HECTD4: variants seen among roughly 807,000 people sequenced by gnomAD.
HECTD4 encodes probable E3 ubiquitin-protein ligase HECTD4.
Under a neutral mutation model 471.5 loss-of-function variants are expected in HECTD4, and 114 were observed. That is an observed-to-expected ratio of 0.24 (90% confidence interval 0.21 to 0.28). The LOEUF is 0.28. Ranked by LOEUF, HECTD4 falls within the 10% of genes least tolerant of loss-of-function variation. HECTD4 has a pLI of 1.00. For synonymous variants in HECTD4, 2,012 were observed against 2,256.0 expected (o/e 0.89, Z 3.07); for missense variants, 3,866 against 5,651.5 (o/e 0.68, Z 10.13).
chr12:112,190,544 C>T (rs2137036673), intron 60 of HECTD4, among the ~76,000 whole-genome samples: 1 of 152,294 alleles, frequency 6.6e-6, no homozygotes, highest in Non-Finnish European at 1.5e-5. Context: ...ATCTTATTTT[C>T]CTGGTTAGTT....
At chr12:112,212,256 T>C (rs78120600) in intron 49 of HECTD4, among the ~76,000 whole-genome samples, 1 of 152,170 alleles carries the variant, frequency 6.6e-6, no homozygotes, top group African/African-American at 2.4e-5. Context: ...GCTAAAAAAA[T>C]GTCAAGGCAA....
chr12:112,204,102 G>A lies in HECTD4; in HGVS notation c.8270-330C>T, dbSNP rs56876245. ...CTGTGGCCCAGGCTGGAGTGCAGTG[G>A]TGTGATCTCGGCTCACTGCAACCTC... is the stretch of plus-strand genomic sequence containing the variant. On this transcript the variant is annotated intron_variant, in intron 53 of 75. Transcript: ENST00000682272. 7.2e-4 allele frequency among the ~76,000 whole-genome samples: 110 copies of A among 152,368 alleles called. 1 individual carries two copies. The East Asian group carries it at 0.019, about 26-fold the overall frequency.
At position 112,302,356 on chromosome 12, in the gene HECTD4, C is replaced by T. The variant is rs1301767373; in HGVS notation, c.1335+3708G>A. 10 of 757,360 alleles carry T rather than the reference C, an allele frequency of 1.3e-5. No homozygotes were observed. The East Asian group carries it at 2.5e-4, about 19-fold the overall frequency. The allele number at this position is 757,360 out of a possible 1,614,324, so 46.9% of individuals were successfully genotyped here. ...GCCTCTGCTTCTTCTCTTGCTTTGT[C>T]TCTGGTCTGTATTTGTGGGCCAGCT... On this transcript the variant is annotated intron_variant, in intron 7 of 75. Coordinates refer to ENST00000682272, the MANE Select transcript of HECTD4 (RefSeq NM_001388303.1).
chr12:112,163,349 C>A lies in HECTD4; in HGVS notation c.12898-85G>T. 3.8e-6 allele frequency: 5 copies of A among 1,308,314 alleles called. No homozygotes were observed. The highest frequency in any genetic ancestry group is 5.3e-6 in the Non-Finnish European group (5 of 948,784). 81.0% of individuals were successfully genotyped at this position (1,308,314 alleles called of 1,614,324 possible). A position where few individuals can be genotyped will look rare whatever the true frequency, so the allele number is the denominator to read the frequency against. ...CAGCCCTGGGGTCTGCAGGCCAGGCCCAATCCTGGGGCAGGGTGCAACGTG... is the reference window on the plus strand; with the variant it reads ...CAGCCCTGGGGTCTGCAGGCCAGGCACAATCCTGGGGCAGGGTGCAACGTG... On this transcript the variant is annotated intron_variant, in intron 74 of 75. Transcript: ENST00000682272. The surrounding 1 kb of genome is among the most constrained non-coding windows in gnomAD (Gnocchi z 8.2).
intron 44 of HECTD4, among the ~76,000 whole-genome samples, chr12:112,220,286 G>A (rs1053750589): frequency 6.6e-6 from 1 of 152,006 alleles, no homozygotes. Context: ...CGAAGTGTTG[G>A]AGAACACAAA....
At chr12:112,317,026 A>C (rs2035493286) in intron 2 of HECTD4, among the ~76,000 whole-genome samples, 1 of 152,238 alleles carries the variant, frequency 6.6e-6, no homozygotes, top group Admixed American at 6.5e-5. Context: ...ACAATTAATA[A>C]CTTAAACTGT....
At chr12:112,195,993 C>T (rs908791151) in intron 55 of HECTD4, among the ~76,000 whole-genome samples, 36 of 152,242 alleles carry the variant, frequency 2.4e-4, no homozygotes, top group African/African-American at 8.4e-4. Flanking sequence ...GAGAATCCCT[C>T]TCTACAAAAA....
At chr12:112,227,290 T>C (rs1023922600) in intron 43 of HECTD4, among the ~76,000 whole-genome samples, 4 of 151,946 alleles carry the variant, frequency 2.6e-5, no homozygotes, top group African/African-American at 9.7e-5. Context: ...CGAGACCCCA[T>C]CTCTACTAAA....
chr12:112,324,264 C>T (rs774847558), intron 1 of HECTD4, among the ~76,000 whole-genome samples: 26 of 150,622 alleles, frequency 1.7e-4, no homozygotes, highest in Non-Finnish European at 3.5e-4. Flanking sequence ...GGACTAGAGG[C>T]ATGTGCCACT....
chr12:112,265,045 G>C, intron 16 of HECTD4, 130 bp downstream of exon 16: 1 of 803,650 alleles, frequency 1.2e-6, no homozygotes, highest in Non-Finnish European at 1.8e-6. Flanking sequence ...GATTACAGGC[G>C]TGAGCCACTG....
chr12:112,248,773 C>T (rs995956988), intron 25 of HECTD4, among the ~76,000 whole-genome samples: 9 of 151,882 alleles, frequency 5.9e-5, no homozygotes, highest in Non-Finnish European at 1.2e-4. Context: ...TTTAGGGTGG[C>T]GGTTTCTCAC....
chr12:112,248,837 G>C (rs2033815370), intron 25 of HECTD4, among the ~76,000 whole-genome samples: 1 of 152,120 alleles, frequency 6.6e-6, no homozygotes, highest in African/African-American at 2.4e-5. Context: ...CTCCTGACTT[G>C]GCCTCCCAAA....
At chr12:112,241,964 A>C (rs1417726649) in intron 32 of HECTD4, among the ~76,000 whole-genome samples, 4 of 152,218 alleles carry the variant, frequency 2.6e-5, no homozygotes, top group Non-Finnish European at 5.9e-5. Flanking sequence ...AAGAACTGTC[A>C]GGAAGCACAG....
chr12:112,363,992 CAAAAAAAA>C (rs1175386198), intron 1 of HECTD4, among the ~76,000 whole-genome samples: 11 of 52,886 alleles, frequency 2.1e-4, no homozygotes, highest in African/African-American at 8.2e-4. Flanking sequence ...ACTCAATCTC[CAAAAAAAA>C]AAAAAAAAAA....
intron 1 of HECTD4, among the ~76,000 whole-genome samples, chr12:112,350,285 T>C (rs1004735653): frequency 4.6e-5 from 7 of 152,200 alleles, no homozygotes; most frequent in Non-Finnish European, 1.5e-5. Flanking sequence ...AATGTCTTCT[T>C]AGAACTCTAA....
chr12:112,226,197 ACACACACACACT>A (rs1194406354), intron 44 of HECTD4, among the ~76,000 whole-genome samples: 161 of 151,914 alleles, frequency 1.1e-3, no homozygotes, highest in South Asian at 3.7e-3. Flanking sequence ...TTCCATACAC[ACACACACACACT>A]CACACACACA....
At chr12:112,190,180 A>T (rs1005141323) in intron 60 of HECTD4, among the ~76,000 whole-genome samples, 2 of 152,216 alleles carry the variant, frequency 1.3e-5, no homozygotes, top group African/African-American at 2.4e-5. Context: ...ATGTTGCTGT[A>T]TTTCCTCTAC....
At chr12:112,280,674 A>G (rs1024451149) in intron 8 of HECTD4, among the ~76,000 whole-genome samples, 1 of 152,164 alleles carries the variant, frequency 6.6e-6, no homozygotes, top group African/African-American at 2.4e-5. Flanking sequence ...AAAGACAGCA[A>G]TAATTGGAAA....
intron 6 of HECTD4, 36 bp downstream of exon 6, chr12:112,308,717 A>G (rs2035318255): frequency 3.3e-6 from 5 of 1,511,932 alleles, no homozygotes; most frequent in Non-Finnish European, 4.4e-6. Context: ...ATTGCCTCTA[A>G]AATATGTTTT....
Sources: gnomAD v4.1 joint callset for allele counts (sites outside exome capture counted in the v4.1 genomes callset) on GRCh38, gnomAD v4.1.1 for gene constraint, Gnocchi (gnomAD v3.1) non-coding constraint, MANE v1.5 for transcripts, NCBI Gene and HGNC (gene_info 2026-07-23, HGNC 2026-07-21) for gene names.